Variants in GLIS3 observed in about 807,000 individuals in gnomAD.
The protein encoded by GLIS3 is zinc finger protein GLIS3.
Under a neutral mutation model 78.6 loss-of-function variants are expected in GLIS3, and 53 were observed. The ratio of observed to expected loss-of-function variants is 0.67; its 90% CI spans 0.54 to 0.85. The LOEUF (loss-of-function observed/expected upper bound fraction) is 0.85. Among genes scored for constraint, GLIS3 ranks in the 40% least tolerant of loss-of-function variants. The probability of loss-of-function intolerance (pLI) is 0.00; values close to 1 mark genes in which losing one functional copy is unlikely to be tolerated. For synonymous variants in GLIS3, 684 were observed against 509.9 expected (o/e 1.34, Z -4.60); for missense variants, 1,703 against 1,231.1 (o/e 1.38, Z -5.74).
At chr9:3,846,155 C>G (rs1296684076) in intron 9 of GLIS3, among the ~76,000 whole-genome samples, 1 of 152,200 alleles carries the variant, frequency 6.6e-6, no homozygotes, top group Non-Finnish European at 1.5e-5. Context: ...AGCACCTCTA[C>G]TGACAGCAGA....
intron 4 of GLIS3, among the ~76,000 whole-genome samples, chr9:4,068,803 AT>A (rs1342326187): frequency 7.3e-6 from 1 of 137,680 alleles, no homozygotes; most frequent in Non-Finnish European, 1.6e-5. Flanking sequence ...GGTTTTTGTT[AT>A]TTTTTGTGCA....
chr9:4,449,394 C>T, the GLIS3 span, among the ~76,000 whole-genome samples: 1 of 152,206 alleles, frequency 6.6e-6, no homozygotes, highest in Non-Finnish European at 1.5e-5. Context: ...GGTGGCAGGG[C>T]ATAGTTGAAC....
chr9:4,154,430 G>C (rs1436051593), intron 2 of GLIS3, among the ~76,000 whole-genome samples: 1 of 152,252 alleles, frequency 6.6e-6, no homozygotes, highest in South Asian at 2.1e-4. Flanking sequence ...AAATGTATTT[G>C]AATTTTTTAC....
intron 2 of GLIS3, among the ~76,000 whole-genome samples, chr9:4,338,129 C>G (rs1342147184): frequency 6.6e-6 from 1 of 151,924 alleles, no homozygotes; most frequent in Non-Finnish European, 1.5e-5. Context: ...AGTCAGGACA[C>G]CTGATTCTAA....
chr9:4,000,128 C>T (rs1460900700), intron 4 of GLIS3, among the ~76,000 whole-genome samples: 2 of 152,020 alleles, frequency 1.3e-5, no homozygotes, highest in South Asian at 2.1e-4. Context: ...AATTACTTGA[C>T]AAATATTCCA....
chr9:3,874,841 T>C (rs781277511), intron 8 of GLIS3, among the ~76,000 whole-genome samples: 5 of 152,208 alleles, frequency 3.3e-5, no homozygotes, highest in Non-Finnish European at 7.3e-5. Flanking sequence ...TTTTCAGTCT[T>C]TTCTGGCTCA....
At chr9:4,062,682 C>T (rs1205314301) in intron 4 of GLIS3, among the ~76,000 whole-genome samples, 1 of 152,210 alleles carries the variant, frequency 6.6e-6, no homozygotes, top group Non-Finnish European at 1.5e-5. Flanking sequence ...AATCCCAGCA[C>T]TTCGGGAGGC....
chr9:4,279,695 C>A (rs924717777), intron 2 of GLIS3, among the ~76,000 whole-genome samples: 1 of 1,584 alleles, frequency 6.3e-4, no homozygotes, highest in African/African-American at 1.8e-3. Context: ...CTTGTTTGGT[C>A]AGTCGGTTTG....
chr9:4,025,019 C>T (rs747921607), intron 4 of GLIS3, among the ~76,000 whole-genome samples: 19 of 152,160 alleles, frequency 1.2e-4, no homozygotes, highest in East Asian at 1.9e-4. Flanking sequence ...GAGGCCGAAG[C>T]GGGCAGATCA....
intron 6 of GLIS3, among the ~76,000 whole-genome samples, chr9:3,908,053 T>C (rs895036040): frequency 2.0e-5 from 3 of 152,158 alleles, no homozygotes. Context: ...TCCCGGATAA[T>C]ACCAAAAGCC....
chr9:3,831,727 C>A (rs188372225), intron 9 of GLIS3, among the ~76,000 whole-genome samples: 276 of 152,268 alleles, frequency 1.8e-3, no homozygotes, highest in African/African-American at 6.4e-3. Context: ...AATGGCCAAC[C>A]ATAAGAGAAT....
chr9:3,849,655 C>T (rs1819296972), intron 9 of GLIS3, among the ~76,000 whole-genome samples: 1 of 152,152 alleles, frequency 6.6e-6, no homozygotes, highest in African/African-American at 2.4e-5. Context: ...TGCCTGTAAT[C>T]CCAGCACTTT....
At chr9:4,145,015 ATT>A (rs1212613431) in intron 2 of GLIS3, 1 of 152,190 alleles carries the variant, frequency 6.6e-6, no homozygotes, top group Non-Finnish European at 1.5e-5. Flanking sequence ...CAACTGCAGA[ATT>A]TTCTTCCCAT....
In GLIS3 at chr9:3,831,180, A is replaced by C. The variant is rs1456809103; in HGVS notation, c.2474-1688T>G. On this transcript the variant is annotated intron_variant, in intron 9 of 10. Transcript: ENST00000381971. ...CACATACGGTTTGGAAGAAGATTAAATGCTTGTTATTAGTATAGACTAGGA... is the reference window on the plus strand; with the variant it reads ...CACATACGGTTTGGAAGAAGATTAACTGCTTGTTATTAGTATAGACTAGGA... Among the ~76,000 whole-genome samples, 4 of 152,246 alleles carry C rather than the reference A, an allele frequency of 2.6e-5. No homozygotes were observed. The East Asian group carries it at 7.7e-4, about 29-fold the overall frequency.
chr9:4,364,130 T>C, the GLIS3 span, among the ~76,000 whole-genome samples: 1 of 152,202 alleles, frequency 6.6e-6, no homozygotes, highest in Non-Finnish European at 1.5e-5. Context: ...CTGAATAAAA[T>C]ATCCAAGGGT....
At chr9:4,091,495 C>T (rs751420191) in intron 4 of GLIS3, among the ~76,000 whole-genome samples, 2 of 151,886 alleles carry the variant, frequency 1.3e-5, no homozygotes, top group Non-Finnish European at 2.9e-5. Context: ...TACCATAAGT[C>T]AGGCACTTCA....
the GLIS3 span, among the ~76,000 whole-genome samples, chr9:4,434,831 C>A: frequency 6.5e-3 from 995 of 152,220 alleles, 11 homozygotes; most frequent in African/African-American, 0.023. Flanking sequence ...CCATTTTAAG[C>A]AAGTGGGATG....
At chr9:4,335,701 G>C (rs574949406) in intron 2 of GLIS3, among the ~76,000 whole-genome samples, 71 of 152,240 alleles carry the variant, frequency 4.7e-4, no homozygotes, top group Admixed American at 4.6e-3. Context: ...TGAAACATCA[G>C]GATCTATTTA....
At chr9:4,373,873 G>C in the GLIS3 span, among the ~76,000 whole-genome samples, 1 of 151,950 alleles carries the variant, frequency 6.6e-6, no homozygotes. Context: ...TTACCATGTT[G>C]GCTAGGCTGG....
Sources: allele counts gnomAD v4.1 joint callset (sites outside exome capture counted in the v4.1 genomes callset), GRCh38; gene constraint gnomAD v4.1.1; transcripts MANE v1.5; gene names NCBI Gene and HGNC (gene_info 2026-07-23, HGNC 2026-07-21).